The following KLB variants were observed in gnomAD, a reference collection of about 807,000 sequenced individuals.
KLB encodes the protein klotho beta, also known as beta-klotho.
A neutral mutation model predicts 88.4 loss-of-function variants in KLB; 44 were observed. The observed-to-expected ratio is 0.50, with a 90% CI of 0.39 to 0.64. The LOEUF is 0.64. Among genes scored for constraint, KLB ranks in the 30% least tolerant of loss-of-function variants. The pLI is 0.00. For missense variants in KLB, 1,137 were observed against 1,304.8 expected (o/e 0.87, Z 1.98); for synonymous variants, 548 against 513.4 (o/e 1.07, Z -0.91).
rs1743123554 is a variant in KLB, at chr4:39,423,050, AG to A, written c.826-11159del. ...CCAAAGTGCTGGGATTACAGGCGTGAGCCACCGCTCCCGGCCTCAGTCTAAC... is the reference window on the plus strand; with the variant it reads ...CCAAAGTGCTGGGATTACAGGCGTGACCACCGCTCCCGGCCTCAGTCTAAC... On this transcript the variant is annotated intron_variant, in intron 1 of 4. Transcript: ENST00000257408. Among the ~76,000 whole-genome samples the A allele has an allele frequency of 2.6e-5, 4 of 151,914 alleles. No individual in the cohort carries two copies. The South Asian group carries it at 8.3e-4, about 31-fold the overall frequency.
At chr4:39,434,923 C>A (rs1743439595) in intron 2 of KLB, among the ~76,000 whole-genome samples, 1 of 151,876 alleles carries the variant, frequency 6.6e-6, no homozygotes, top group Non-Finnish European at 1.5e-5. Flanking sequence ...TCTCCTGCCT[C>A]AGCCTCCCAA....
At position 39,434,379 on chromosome 4, in the gene KLB, A is replaced by T; in HGVS notation, c.995A>T (p.Asn332Ile). 6.2e-7 allele frequency: 1 copy of T among 1,613,942 alleles called. No homozygotes were observed. The highest frequency in any genetic ancestry group is 8.5e-7 in the Non-Finnish European group (1 of 1,179,954). The change falls in exon 2 of 5, where the codon AAC (asparagine) becomes ATC (isoleucine). Residue 332 changes from asparagine (N) to isoleucine (I), a missense_variant. Physicochemically the swap from Asn to Ile is moderately radical, Grantham distance 149 (BLOSUM62 -3). Transcript: ENST00000257408. ...GTTTCTGTGCTTGGATGGTTTGCCA[A>T]CCCTATCCATGGGGATGGCGACTAT... Reference protein sequence around the residue: ...SMVSVLGWFANPIHGDGDYPE... With the variant: ...SMVSVLGWFAIPIHGDGDYPE...
chr4:39,422,023 G>T (rs923573919), intron 1 of KLB, among the ~76,000 whole-genome samples: 1 of 152,180 alleles, frequency 6.6e-6, no homozygotes, highest in African/African-American at 2.4e-5. Context: ...TGGAATTACA[G>T]GCATGAGCCA....
chr4:39,443,592 C>CA (rs770812561), intron 3 of KLB, among the ~76,000 whole-genome samples: 22,367 of 65,876 alleles, frequency 0.34, 2,793 homozygotes, highest in Non-Finnish European at 0.36. Flanking sequence ...CCTGTCTCTA[C>CA]AAAAAAAAAA....
chr4:39,424,875 C>T (rs1057043629), intron 1 of KLB, among the ~76,000 whole-genome samples: 7 of 151,718 alleles, frequency 4.6e-5, no homozygotes, highest in South Asian at 2.1e-4. Flanking sequence ...GTGATCCACC[C>T]GCCTCGGCCT....
rs1248518013 is a variant in KLB, at chr4:39,448,924, A to G, written c.*238A>G. The G allele has an allele frequency of 1.1e-5, 5 of 457,794 alleles. No individual in the cohort carries two copies. The highest frequency in any genetic ancestry group is 3.7e-5 in the Admixed American group (1 of 26,806). 28.4% of individuals were successfully genotyped at this position (457,794 alleles called of 1,614,324 possible). On this transcript the variant is annotated 3_prime_UTR_variant, in exon 5 of 5. Coordinates refer to ENST00000257408, the MANE Select transcript of KLB (RefSeq NM_175737.4). ...ATCCTGACAGTAAGCTATGAGGATTACATGCTACATTGCTTCTTAAAGTTT... is the reference window on the plus strand; with the variant it reads ...ATCCTGACAGTAAGCTATGAGGATTGCATGCTACATTGCTTCTTAAAGTTT...
chr4:39,439,985 G>T (rs1359484694), intron 3 of KLB, among the ~76,000 whole-genome samples: 1 of 150,438 alleles, frequency 6.6e-6, no homozygotes, highest in Non-Finnish European at 1.5e-5. Context: ...TGTATTTTTA[G>T]TAGAAACAGG....
intron 1 of KLB, among the ~76,000 whole-genome samples, chr4:39,424,776 G>A (rs185884359): frequency 1.3e-5 from 2 of 151,960 alleles, no homozygotes; most frequent in African/African-American, 4.8e-5. Context: ...CTACAGGCAT[G>A]TGCCACCACG....
chr4:39,431,251 C>CT (rs1191051410), intron 1 of KLB, among the ~76,000 whole-genome samples: 13 of 149,726 alleles, frequency 8.7e-5, no homozygotes, highest in African/African-American at 1.7e-4. Context: ...GAAAGCATTC[C>CT]TTTTTTTTTG....
intron 3 of KLB, among the ~76,000 whole-genome samples, chr4:39,443,288 C>T (rs981757032): frequency 3.3e-5 from 5 of 151,134 alleles, no homozygotes; most frequent in Admixed American, 6.6e-5. Context: ...TTTGAGAGGC[C>T]GATGTGGGTA....
intron 3 of KLB, 123 bp downstream of exon 3, chr4:39,438,118 A>T: frequency 2.2e-6 from 2 of 906,814 alleles, no homozygotes; most frequent in East Asian, 5.1e-5. Flanking sequence ...TATGGAGGTT[A>T]TGAAGGAGAG....
At position 39,446,921 on chromosome 4, in the gene KLB, C is replaced by T; in HGVS notation, c.2195C>T (p.Pro732Leu). 5 of 1,605,222 alleles carry T rather than the reference C, an allele frequency of 3.1e-6. 1 individual carries two copies. The highest frequency in any genetic ancestry group is 2.2e-5 in the South Asian group (2 of 90,790). ...AWRLYDRQFR[P>L]SQRGAVSLSL... ...CGCCTCTACGACCGGCAGTTCAGGCCCTCACAGCGCGGGGCCGTGTCGCTG... is the reference window on the plus strand; with the variant it reads ...CGCCTCTACGACCGGCAGTTCAGGCTCTCACAGCGCGGGGCCGTGTCGCTG... The change falls in exon 4 of 5, where the codon CCC becomes CTC. Residue 732 changes from proline (P) to leucine (L), a missense_variant. Pro to Leu is a moderately conservative substitution (Grantham distance 98). Coordinates refer to ENST00000257408, the MANE Select transcript of KLB (RefSeq NM_175737.4). The surrounding 1 kb of genome is among the most constrained non-coding windows in gnomAD (Gnocchi z 6.4).
rs1324375317 is a variant in KLB at position 39,450,279 on chromosome 4, A to G, written c.*1593A>G. The G allele has an allele frequency of 6.6e-6, 1 of 152,190 alleles. No homozygotes were observed. Among genetic ancestry groups the G allele is most frequent in the Non-Finnish European group, 1.5e-5 (1 of 68,046 alleles). 9.4% of individuals were successfully genotyped at this position (152,190 alleles called of 1,614,324 possible). A position where few individuals can be genotyped will look rare whatever the true frequency, so the allele number is the denominator to read the frequency against. ...CATTTAACACCCACTGCATACATTA[A>G]TTTGTCCTTGTCTGCTCACTCCAGC... On this transcript the variant is annotated 3_prime_UTR_variant, in exon 5 of 5. Transcript: ENST00000257408.
chr4:39,410,965 G>A (rs1165676170), intron 1 of KLB, among the ~76,000 whole-genome samples: 1 of 152,118 alleles, frequency 6.6e-6, no homozygotes, highest in African/African-American at 2.4e-5. Context: ...GCAGATGTAG[G>A]GAGTACCTTA....
chr4:39,429,102 T>C (rs1743282804), intron 1 of KLB, among the ~76,000 whole-genome samples: 1 of 152,230 alleles, frequency 6.6e-6, no homozygotes, highest in African/African-American at 2.4e-5. Context: ...AGTTTTTAAA[T>C]AAACTTTCTT....
At chr4:39,436,669 G>T (rs1428657169) in intron 2 of KLB, among the ~76,000 whole-genome samples, 10 of 151,966 alleles carry the variant, frequency 6.6e-5, no homozygotes, top group Non-Finnish European at 7.4e-5. Flanking sequence ...GCTAATTTGG[G>T]TATTTGTTGT....
At chr4:39,416,554 G>A (rs1742967857) in intron 1 of KLB, among the ~76,000 whole-genome samples, 1 of 152,156 alleles carries the variant, frequency 6.6e-6, no homozygotes, top group African/African-American at 2.4e-5. Context: ...GCTGAGGCAG[G>A]AGGATTGCTT....
At chr4:39,418,534 G>A (rs190970292) in intron 1 of KLB, among the ~76,000 whole-genome samples, 152 of 151,834 alleles carry the variant, frequency 1.0e-3, no homozygotes, top group African/African-American at 3.4e-3. Flanking sequence ...CACTGTGCCC[G>A]GCCATATCAT....
chr4:39,443,758 C>CTAAAAA, intron 3 of KLB, among the ~76,000 whole-genome samples: 1 of 111,102 alleles, frequency 9.0e-6, no homozygotes, highest in Admixed American at 9.8e-5. Context: ...GAGACTTTGT[C>CTAAAAA]AAAAAAAAAA....
Sources: allele counts gnomAD v4.1 joint callset (sites outside exome capture counted in the v4.1 genomes callset), GRCh38; gene constraint gnomAD v4.1.1; non-coding constraint Gnocchi (gnomAD v3.1); transcripts MANE v1.5; gene names NCBI Gene and HGNC (gene_info 2026-07-23, HGNC 2026-07-21).